Variants in CRACD observed in about 807,000 individuals in gnomAD.
The protein encoded by CRACD is capping protein inhibiting regulator of actin dynamics, also known as capping protein-inhibiting regulator of actin dynamics.
In CRACD, 56 loss-of-function variants were observed where a neutral mutation model predicts 106.8. That is an observed-to-expected ratio of 0.52 (90% CI 0.42 to 0.66). CRACD has a LOEUF of 0.66. CRACD is among the 30% of genes least tolerant of loss of function. The pLI, the probability that CRACD is intolerant of heterozygous loss-of-function variation, is 0.00. For synonymous variants in CRACD, 754 were observed against 670.8 expected, an observed-to-expected ratio of 1.12 and a Z score of -1.92; for missense variants, 1,730 against 1,623.2, an observed-to-expected ratio of 1.07 and a Z score of -1.13.
rs917961928 is a variant in CRACD at position 56,319,032 on chromosome 4, T to C, written c.3187+2343T>C. 3.9e-5 allele frequency among the ~76,000 whole-genome samples: 6 copies of C among 152,304 alleles called. No homozygotes were observed. The East Asian group carries it at 7.7e-4, about 20-fold the overall frequency. On this transcript the variant is annotated intron_variant, in intron 8 of 10. Transcript: ENST00000682029. ...TGTTATTTTCTCTTACTCGTATTAT[T>C]AGTAGTATATTGTCTGCAGGACTTT...
chr4:56,307,459 C>A, intron 4 of CRACD, 76 bp from the exon 5 acceptor site: 1 of 1,471,986 alleles, frequency 6.8e-7, no homozygotes, highest in Non-Finnish European at 9.4e-7. Flanking sequence ...GCTCACTAGA[C>A]ATGCTGGAGA....
intron 1 of CRACD, among the ~76,000 whole-genome samples, chr4:56,122,345 GAAA>G (rs201279566): frequency 7.4e-6 from 1 of 135,474 alleles, no homozygotes; most frequent in Non-Finnish European, 1.6e-5. Context: ...ATTCAAAAAA[GAAA>G]AAAAAAGTCA....
At chr4:56,088,738 G>T (rs527998484) in intron 1 of CRACD, among the ~76,000 whole-genome samples, 46 of 148,326 alleles carry the variant, frequency 3.1e-4, no homozygotes, top group Middle Eastern at 3.5e-3. Flanking sequence ...TTTTTTTTTT[G>T]ACGGAATCTT....
rs557172453 is a variant in CRACD at position 56,175,077 on chromosome 4, C to G, written c.-335-4207C>G. 3.3e-5 allele frequency among the ~76,000 whole-genome samples: 5 copies of G among 152,294 alleles called. No homozygotes were observed. The East Asian group carries it at 9.6e-4, about 29-fold the overall frequency. ...ACCTCTCACCAGGCCCCTCCCCTGA[C>G]AGGTGGGGATTACAATTTAACATGA... On this transcript the variant is annotated intron_variant, in intron 1 of 10. Coordinates refer to ENST00000682029, the MANE Select transcript of CRACD (RefSeq NM_001393381.1).
intron 1 of CRACD, among the ~76,000 whole-genome samples, chr4:56,144,660 CTTTTTT>C (rs59754348): frequency 7.0e-6 from 1 of 143,388 alleles, no homozygotes; most frequent in Non-Finnish European, 1.5e-5. Context: ...CTTTCTTCTT[CTTTTTT>C]TTTTTTTGAA....
rs958205897 is a variant in CRACD, at chr4:56,329,353, A to G, written c.*1549A>G. On this transcript the variant is annotated 3_prime_UTR_variant, in exon 11 of 11. Coordinates refer to ENST00000682029, the MANE Select transcript of CRACD (RefSeq NM_001393381.1). ...CAAAAACATGCTTTATTAAGTATCC[A>G]TCATTACTTTCCTTTATGCTCGCTC... Among the ~76,000 whole-genome samples, 2 of 152,226 alleles carry G rather than the reference A, an allele frequency of 1.3e-5. No individual in the cohort carries two copies. Among genetic ancestry groups the G allele is most frequent in the African/African-American group, 2.4e-5 (1 of 41,462 alleles).
In CRACD at chr4:56,315,436, C is replaced by G; in HGVS notation, c.1934C>G (p.Ala645Gly). ...GENPPRGPGDARAGSGKAKPR... is the reference protein window; with the variant it reads ...GENPPRGPGDGRAGSGKAKPR... ...AACCCTCCCCGAGGCCCCGGCGACGCGAGGGCGGGCAGCGGGAAGGCTAAG... is the reference window on the plus strand; with the variant it reads ...AACCCTCCCCGAGGCCCCGGCGACGGGAGGGCGGGCAGCGGGAAGGCTAAG... Residue 645 changes from alanine to glycine, a missense_variant, in exon 8 of 11, where the codon GCG (alanine) becomes GGG (glycine). This residue lies in a region of CRACD where 1,620 missense variants were observed against 1,481.6 expected (regional missense o/e 1.09). Coordinates refer to ENST00000682029, the MANE Select transcript of CRACD (RefSeq NM_001393381.1). The surrounding 1 kb of genome is among the most constrained non-coding windows in gnomAD (Gnocchi z 4.1). 1 of 1,612,762 alleles carries G rather than the reference C, an allele frequency of 6.2e-7. No individual in the cohort carries two copies. The highest frequency in any genetic ancestry group is 1.1e-5 in the South Asian group (1 of 91,072).
chr4:56,236,774 T>C (rs1180421903), intron 2 of CRACD, among the ~76,000 whole-genome samples: 1 of 150,602 alleles, frequency 6.6e-6, no homozygotes, highest in African/African-American at 2.4e-5. Flanking sequence ...CTGCAAAATA[T>C]GCCATGAGAA....
rs1484069320 is a variant in CRACD at position 56,316,451 on chromosome 4, C to T, written c.2949C>T (p.Pro983=). 6.2e-7 allele frequency: 1 copy of T among 1,614,090 alleles called. No homozygotes were observed. The highest frequency in any genetic ancestry group is 1.6e-4 in the Middle Eastern group (1 of 6,062). The change falls in exon 8 of 11, where the codon CCC becomes CCT. Residue 983 remains proline, a synonymous_variant. Coordinates refer to ENST00000682029, the MANE Select transcript of CRACD (RefSeq NM_001393381.1). The stretch of plus-strand genomic sequence containing the variant: ...CCCCACTTTCCAAACTGAGCAGGCC[C>T]TACTTGGTAGAGCTGCTGTCTCGCC... ...PASPLSKLSR[P]YLVELLSRRA...
chr4:56,226,913 G>A (rs1440093628), intron 2 of CRACD, among the ~76,000 whole-genome samples: 1 of 146,216 alleles, frequency 6.8e-6, no homozygotes, highest in Non-Finnish European at 1.5e-5. Flanking sequence ...CCTCCCTGTG[G>A]CTTCTTCTCC....
chr4:56,089,834 C>T (rs988585112), intron 1 of CRACD, among the ~76,000 whole-genome samples: 2 of 152,076 alleles, frequency 1.3e-5, no homozygotes, highest in Non-Finnish European at 2.9e-5. Flanking sequence ...TGGTCTGTGA[C>T]ACTAGGTTCC....
At chr4:56,151,956 T>C (rs1483326890) in intron 1 of CRACD, among the ~76,000 whole-genome samples, 2 of 152,084 alleles carry the variant, frequency 1.3e-5, no homozygotes, top group African/African-American at 4.8e-5. Flanking sequence ...ATGTTAACTT[T>C]GAACACTTGA....
chr4:56,057,291 C>T (rs1185959747), intron 1 of CRACD, among the ~76,000 whole-genome samples: 1 of 152,172 alleles, frequency 6.6e-6, no homozygotes, highest in Non-Finnish European at 1.5e-5. Flanking sequence ...AAGACTGAAA[C>T]TCTGAACCAC....
rs977410341 is a variant in CRACD, at chr4:56,305,608, C to T, written c.121-1927C>T. Among the ~76,000 whole-genome samples the T allele has an allele frequency of 2.0e-5, 3 of 152,188 alleles. No individual in the cohort carries two copies. The East Asian group carries it at 5.8e-4, about 29-fold the overall frequency. ...CTTTTCAGCCTTCTCCTCCCCACAACCCTTCCAGGCTGCTGACGCTGTACT... is the reference window on the plus strand; with the variant it reads ...CTTTTCAGCCTTCTCCTCCCCACAATCCTTCCAGGCTGCTGACGCTGTACT... On this transcript the variant is annotated intron_variant, in intron 4 of 10. Transcript: ENST00000682029.
chr4:56,146,253 T>G (rs185363691), intron 1 of CRACD, among the ~76,000 whole-genome samples: 1 of 152,168 alleles, frequency 6.6e-6, no homozygotes, highest in Admixed American at 6.5e-5. Flanking sequence ...AGGCATTCGT[T>G]TTATTATTCT....
intron 2 of CRACD, among the ~76,000 whole-genome samples, chr4:56,228,792 G>A (rs1739455092): frequency 6.6e-6 from 1 of 152,076 alleles, no homozygotes; most frequent in African/African-American, 2.4e-5. Flanking sequence ...GAGAACATCT[G>A]ATGATACTTT....
At chr4:56,157,610 C>T (rs530197363) in intron 1 of CRACD, among the ~76,000 whole-genome samples, 4 of 152,096 alleles carry the variant, frequency 2.6e-5, no homozygotes, top group South Asian at 2.1e-4. Flanking sequence ...TTCATGGAGT[C>T]GGTCTTTTAC....
chr4:56,225,239 G>T (rs1040944635), intron 2 of CRACD, among the ~76,000 whole-genome samples: 45 of 152,074 alleles, frequency 3.0e-4, no homozygotes, highest in African/African-American at 1.0e-3. Context: ...ATTATAGTAC[G>T]TACCACCATG....
chr4:56,210,881 C>T (rs991482652), intron 2 of CRACD, among the ~76,000 whole-genome samples: 2 of 152,098 alleles, frequency 1.3e-5, no homozygotes, highest in African/African-American at 2.4e-5. Context: ...CATGCCTGGT[C>T]TCTGCATGTA....
Sources: gnomAD v4.1 joint callset for allele counts (sites outside exome capture counted in the v4.1 genomes callset) on GRCh38, gnomAD v4.1.1 for gene constraint, gnomAD v4.1.1 regional missense constraint, Gnocchi (gnomAD v3.1) non-coding constraint, MANE v1.5 for transcripts, NCBI Gene and HGNC (gene_info 2026-07-23, HGNC 2026-07-21) for gene names.